The following LMX1A variants were observed in gnomAD, a reference collection of about 807,000 sequenced individuals.
The protein encoded by LMX1A is LIM homeobox transcription factor 1-alpha.
Under a neutral mutation model 49.1 loss-of-function variants are expected in LMX1A, and 15 were observed. The ratio of observed to expected loss-of-function variants is 0.31; its 90% CI spans 0.20 to 0.47. The LOEUF is 0.47. Ranked by LOEUF, LMX1A falls within the 20% of genes least tolerant of loss-of-function variation. LMX1A has a pLI of 1.00. For synonymous variants in LMX1A, 167 were observed against 185.7 expected, an observed-to-expected ratio of 0.90 and a Z score of 0.82; for missense variants, 372 against 475.8, an observed-to-expected ratio of 0.78 and a Z score of 2.03.
chr1:165,318,630 G>T (rs1420968265), intron 3 of LMX1A, among the ~76,000 whole-genome samples: 1 of 152,202 alleles, frequency 6.6e-6, no homozygotes, highest in African/African-American at 2.4e-5. Context: ...GGAAGCCCCT[G>T]GGTGGCTTCC....
chr1:165,202,482 A>G lies in LMX1A; in HGVS notation c.*1398T>C, dbSNP rs566427244. On this transcript the variant is annotated 3_prime_UTR_variant, in exon 9 of 9. Transcript: ENST00000342310. ...AGACCCTCTAAAACAAGGGGCCCCA[A>G]ACTTTTTCTGTAAGGGCCAGACAAT... is the stretch of plus-strand genomic sequence containing the variant. 6 of 152,256 alleles carry G rather than the reference A, an allele frequency of 3.9e-5. No homozygotes were observed. Among genetic ancestry groups the G allele is most frequent in the Admixed American group, 2.6e-4 (4 of 15,284 alleles). 9.4% of individuals were successfully genotyped at this position (152,256 alleles called of 1,614,324 possible).
intron 3 of LMX1A, among the ~76,000 whole-genome samples, chr1:165,335,210 T>G (rs948412454): frequency 6.6e-6 from 1 of 152,220 alleles, no homozygotes; most frequent in African/African-American, 2.4e-5. Context: ...CAGTTTTGCA[T>G]GGTACCTTCA....
rs551628970 is a variant in LMX1A at position 165,351,487 on chromosome 1, ATCT to A, written c.263+1586_263+1588del. On this transcript the variant is annotated intron_variant, in intron 3 of 8. Transcript: ENST00000342310. ...CAGACAACCAAGAATACACAGTCAC[ATCT>A]TCTCTCAAAAATGTTATCCATAATG... Among the ~76,000 whole-genome samples the A allele has an allele frequency of 2.6e-5, 4 of 152,368 alleles. No individual in the cohort carries two copies. In the South Asian group the frequency reaches 6.2e-4, roughly 24 times the overall value.
At chr1:165,218,913 C>A (rs1651735457) in intron 4 of LMX1A, 1 of 152,220 alleles carries the variant, frequency 6.6e-6, no homozygotes, top group African/African-American at 2.4e-5. Context: ...TCTCCAACAA[C>A]AAATGTCAGC....
chr1:165,335,328 A>T (rs1052928697), intron 3 of LMX1A, among the ~76,000 whole-genome samples: 4 of 152,192 alleles, frequency 2.6e-5, no homozygotes, highest in African/African-American at 9.6e-5. Context: ...TGTATGCATA[A>T]ATTAATAATT....
chr1:165,310,555 C>A (rs971976662), intron 3 of LMX1A, among the ~76,000 whole-genome samples: 2 of 152,226 alleles, frequency 1.3e-5, no homozygotes, highest in African/African-American at 4.8e-5. Flanking sequence ...GAAGCCAAGC[C>A]AATCTGGCTC....
chr1:165,264,839 C>A lies in LMX1A; in HGVS notation c.264-15199G>T, dbSNP rs1018805320. ...GGAGGATTACTTGAGCCCAGGAGGT[C>A]GAGGCTGCAGTGAGCCATGTTTAAG... On this transcript the variant is annotated intron_variant, in intron 3 of 8. Coordinates refer to ENST00000342310, the MANE Select transcript of LMX1A (RefSeq NM_177398.4). 2.6e-5 allele frequency among the ~76,000 whole-genome samples: 4 copies of A among 151,716 alleles called. No homozygotes were observed. The East Asian group carries it at 7.8e-4, about 30-fold the overall frequency.
chr1:165,241,957 T>C (rs1473627202), intron 4 of LMX1A, among the ~76,000 whole-genome samples: 2 of 152,162 alleles, frequency 1.3e-5, no homozygotes, highest in African/African-American at 4.8e-5. Context: ...AAACATCCTA[T>C]ATCCCACAGA....
chr1:165,302,816 T>G (rs1299815936), intron 3 of LMX1A, among the ~76,000 whole-genome samples: 1 of 152,202 alleles, frequency 6.6e-6, no homozygotes, highest in East Asian at 1.9e-4. Flanking sequence ...TCTCTAGGTA[T>G]GTGAGGAGGC....
intron 3 of LMX1A, among the ~76,000 whole-genome samples, chr1:165,341,589 AAT>A (rs5778445): frequency 0.65 from 95,507 of 146,570 alleles, 31,357 homozygotes; most frequent in East Asian, 0.82. Context: ...CAATAAACCA[AAT>A]ATATATATAT....
intron 3 of LMX1A, among the ~76,000 whole-genome samples, chr1:165,307,628 C>T (rs892878259): frequency 6.6e-6 from 1 of 152,184 alleles, no homozygotes; most frequent in Non-Finnish European, 1.5e-5. Context: ...TAGATTCACT[C>T]CCATAACCTC....
intron 3 of LMX1A, among the ~76,000 whole-genome samples, chr1:165,317,712 A>C (rs907339905): frequency 2.0e-5 from 3 of 152,238 alleles, no homozygotes; most frequent in Non-Finnish European, 2.9e-5. Flanking sequence ...AGGAGGATTT[A>C]AAACACATCA....
chr1:165,231,090 TTTTATTTA>T (rs140274113), intron 4 of LMX1A, among the ~76,000 whole-genome samples: 19,523 of 151,294 alleles, frequency 0.13, 1,364 homozygotes, highest in Non-Finnish European at 0.15. Flanking sequence ...TTTTTAAAAT[TTTTATTTA>T]TTTATTTATT....
intron 3 of LMX1A, among the ~76,000 whole-genome samples, chr1:165,268,617 A>G (rs561253820): frequency 5.3e-5 from 8 of 152,374 alleles, no homozygotes; most frequent in African/African-American, 1.7e-4. Flanking sequence ...GATATAGCAG[A>G]AAGAGCACTG....
chr1:165,274,269 T>C (rs16841924), intron 3 of LMX1A, among the ~76,000 whole-genome samples: 22,916 of 152,214 alleles, frequency 0.15, 1,894 homozygotes, highest in African/African-American at 0.2. Flanking sequence ...TTAATCTTTG[T>C]GTTCAAGGAA....
intron 6 of LMX1A, among the ~76,000 whole-genome samples, chr1:165,209,316 A>G (rs1260361935): frequency 2.0e-5 from 3 of 152,188 alleles, no homozygotes; most frequent in African/African-American, 4.8e-5. Flanking sequence ...GTTTTTTGGC[A>G]TACGGTTCCT....
At position 165,262,463 on chromosome 1, in the gene LMX1A, T is replaced by C. The variant is rs189884199; in HGVS notation, c.264-12823A>G. The stretch of plus-strand genomic sequence containing the variant: ...TTACACCTTCCTTGGACTTCCTACT[T>C]CTGGACTCCCTCTTCGTGAGAAAAA... On this transcript the variant is annotated intron_variant, in intron 3 of 8. Transcript: ENST00000342310. Among the ~76,000 whole-genome samples, 390 of 152,336 alleles carry C rather than the reference T, an allele frequency of 2.6e-3. 1 individual carries two copies. The highest frequency in any genetic ancestry group is 8.7e-3 in the African/African-American group (361 of 41,582).
chr1:165,348,760 A>G (rs1426192061), intron 3 of LMX1A, among the ~76,000 whole-genome samples: 1 of 152,180 alleles, frequency 6.6e-6, no homozygotes, highest in African/African-American at 2.4e-5. Context: ...CCTTGATAAA[A>G]TGCAGAATTA....
chr1:165,305,045 C>A (rs929813625), intron 3 of LMX1A, among the ~76,000 whole-genome samples: 1 of 152,160 alleles, frequency 6.6e-6, no homozygotes, highest in African/African-American at 2.4e-5. Context: ...GTCTCTTGGG[C>A]CCTCTAGAGA....
Sources: gnomAD v4.1 joint callset for allele counts (sites outside exome capture counted in the v4.1 genomes callset) on GRCh38, gnomAD v4.1.1 for gene constraint, MANE v1.5 for transcripts, NCBI Gene and HGNC (gene_info 2026-07-23, HGNC 2026-07-21) for gene names.